PDE7A: variants seen among roughly 807,000 people sequenced by gnomAD.
The protein encoded by PDE7A is high affinity 3',5'-cyclic-AMP phosphodiesterase 7A.
A neutral mutation model predicts 64.3 loss-of-function variants in PDE7A; 39 were observed. The ratio of observed to expected loss-of-function variants is 0.61; its 90% CI spans 0.47 to 0.79. The LOEUF is 0.79. PDE7A is among the 30% of genes least tolerant of loss of function. The probability of loss-of-function intolerance (pLI) is 0.00; values close to 1 mark genes in which losing one functional copy is unlikely to be tolerated. For synonymous variants in PDE7A, 203 were observed against 206.8 expected, an observed-to-expected ratio of 0.98 and a Z score of 0.16; for missense variants, 470 against 582.8, an observed-to-expected ratio of 0.81 and a Z score of 1.99.
chr8:65,741,055 T>C (rs1384336342), intron 5 of PDE7A, among the ~76,000 whole-genome samples: 2 of 152,256 alleles, frequency 1.3e-5, no homozygotes. Context: ...AAAACTACCA[T>C]TTTTATGATG....
At chr8:65,774,744 CAT>C (rs1158335782) in intron 3 of PDE7A, among the ~76,000 whole-genome samples, 1 of 151,800 alleles carries the variant, frequency 6.6e-6, no homozygotes, top group African/African-American at 2.4e-5. Flanking sequence ...AAACCCATAA[CAT>C]GTAACATAAA....
chr8:65,771,164 G>A (rs1809068713), intron 3 of PDE7A: 2 of 190,320 alleles, frequency 1.1e-5, no homozygotes, highest in Non-Finnish European at 2.2e-5. Context: ...AACTGGTCAG[G>A]TATCTTAGAT....
chr8:65,774,175 A>G (rs900216732), intron 3 of PDE7A, among the ~76,000 whole-genome samples: 8 of 152,232 alleles, frequency 5.3e-5, no homozygotes, highest in African/African-American at 1.9e-4. Context: ...GTTATTGCAG[A>G]AAAACTATGT....
chr8:65,841,308 T>C (rs1811081701), intron 1 of PDE7A, 63 bp downstream of exon 1: 6 of 1,416,600 alleles, frequency 4.2e-6, no homozygotes, highest in Admixed American at 3.0e-5. Context: ...GAGGTGAAGC[T>C]GGGTGGGCAG....
chr8:65,825,547 T>C (rs1482740221), intron 1 of PDE7A, among the ~76,000 whole-genome samples: 1 of 152,194 alleles, frequency 6.6e-6, no homozygotes, highest in Admixed American at 6.5e-5. Context: ...TAAATAAGAC[T>C]TGCATATATT....
intron 3 of PDE7A, among the ~76,000 whole-genome samples, chr8:65,764,555 T>C (rs1299180788): frequency 6.6e-6 from 1 of 152,204 alleles, no homozygotes. Context: ...AGGGAAATGC[T>C]GAGCAAACTA....
At chr8:65,799,591 A>C (rs1358968572) in intron 1 of PDE7A, among the ~76,000 whole-genome samples, 1 of 152,218 alleles carries the variant, frequency 6.6e-6, no homozygotes, top group Admixed American at 6.5e-5. Flanking sequence ...AGGAGAATAG[A>C]GAAATGTGAC....
intron 1 of PDE7A, among the ~76,000 whole-genome samples, chr8:65,806,157 T>C (rs890371965): frequency 2.6e-5 from 4 of 152,222 alleles, no homozygotes; most frequent in African/African-American, 9.7e-5. Context: ...GTTGACTAAC[T>C]GTAAAAGTAG....
At chr8:65,744,231 AAAACAAC>A (rs1171021051) in intron 5 of PDE7A, among the ~76,000 whole-genome samples, 1 of 151,896 alleles carries the variant, frequency 6.6e-6, no homozygotes, top group African/African-American at 2.4e-5. Context: ...AAAACAAAAC[AAAACAAC>A]AAAAAAAAAC....
rs201585346 is a variant in PDE7A at position 65,740,171 on chromosome 8, G to T, written c.500-574C>A. ...TGCAGAAAATCTGAGAGTTGCTTGG[G>T]GGGGTGGGGAGGGGGAATCACAAAA... On this transcript the variant is annotated intron_variant, in intron 5 of 12. Transcript: ENST00000401827. Among the ~76,000 whole-genome samples, 152 of 150,206 alleles carry T rather than the reference G, an allele frequency of 1.0e-3. 4 individuals are homozygous for T. The South Asian group carries it at 0.029, about 29-fold the overall frequency.
intron 3 of PDE7A, among the ~76,000 whole-genome samples, chr8:65,758,285 T>A (rs1192675297): frequency 4.6e-5 from 7 of 152,212 alleles, no homozygotes; most frequent in African/African-American, 1.7e-4. Context: ...AATTCTGGCA[T>A]AAGGCTTAAA....
intron 12 of PDE7A, among the ~76,000 whole-genome samples, chr8:65,720,751 G>C (rs1385904915): frequency 2.0e-5 from 3 of 152,174 alleles, no homozygotes; most frequent in Admixed American, 2.0e-4. Context: ...GTTCTGGTGA[G>C]GAGAAAGAGA....
chr8:65,786,549 A>G (rs988756963), intron 1 of PDE7A, among the ~76,000 whole-genome samples: 2 of 152,226 alleles, frequency 1.3e-5, no homozygotes, highest in African/African-American at 2.4e-5. Context: ...GTTGTTTTAA[A>G]AATAATTATA....
chr8:65,735,918 C>T (rs569202612), intron 6 of PDE7A, among the ~76,000 whole-genome samples: 2 of 152,162 alleles, frequency 1.3e-5, no homozygotes, highest in African/African-American at 4.8e-5. Flanking sequence ...AGCCACCATG[C>T]CCGGCCGTAT....
At chr8:65,731,623 G>A (rs1359968308) in intron 7 of PDE7A, 1 of 152,102 alleles carries the variant, frequency 6.6e-6, no homozygotes, top group Non-Finnish European at 1.5e-5. Context: ...TAATCCACAT[G>A]AGTTCAGCCT....
At position 65,733,577 on chromosome 8, in the gene PDE7A, G is replaced by A. The variant is rs758129732; in HGVS notation, c.696+1217C>T. Among the ~76,000 whole-genome samples the A allele has an allele frequency of 4.1e-4, 63 of 152,030 alleles. 1 individual carries two copies. The highest frequency in any genetic ancestry group is 8.1e-4 in the Non-Finnish European group (55 of 67,990). On this transcript the variant is annotated intron_variant, in intron 7 of 12. Coordinates refer to ENST00000401827, the MANE Select transcript of PDE7A (RefSeq NM_001242318.3). ...CGAGGCTGCAGTGAGCCATGATCAC[G>A]CCACTGCACTCCAGCCTGGCAACAC...
chr8:65,761,042 C>T (rs996031388), intron 3 of PDE7A, among the ~76,000 whole-genome samples: 1 of 151,954 alleles, frequency 6.6e-6, no homozygotes, highest in Non-Finnish European at 1.5e-5. Flanking sequence ...AATATCTGAC[C>T]TTCTTACCAA....
chr8:65,739,486 G>T lies in PDE7A; in HGVS notation c.595+16C>A. ...AATGTAAATCTTGTTACTGTTAATGGGTTAGAATCACTTACCTAAAAATCT... is the reference window on the plus strand; with the variant it reads ...AATGTAAATCTTGTTACTGTTAATGTGTTAGAATCACTTACCTAAAAATCT... On this transcript the variant is annotated intron_variant, in intron 6 of 12. Coordinates refer to ENST00000401827, the MANE Select transcript of PDE7A (RefSeq NM_001242318.3). 6.5e-7 allele frequency: 1 copy of T among 1,540,656 alleles called. No individual in the cohort carries two copies. Among genetic ancestry groups the T allele is most frequent in the Admixed American group, 2.3e-5 (1 of 43,634 alleles).
At chr8:65,730,480 A>G (rs1371516237) in intron 7 of PDE7A, among the ~76,000 whole-genome samples, 1 of 151,878 alleles carries the variant, frequency 6.6e-6, no homozygotes, top group Non-Finnish European at 1.5e-5. Context: ...AAGCCCAGCC[A>G]GCACACTTCT....
Sources: gnomAD v4.1 joint callset for allele counts (sites outside exome capture counted in the v4.1 genomes callset) on GRCh38, gnomAD v4.1.1 for gene constraint, MANE v1.5 for transcripts, NCBI Gene and HGNC (gene_info 2026-07-23, HGNC 2026-07-21) for gene names.